PLK3: variants seen among roughly 807,000 people sequenced by gnomAD.
PLK3 encodes the protein polo like kinase 3, also known as serine/threonine-protein kinase PLK3.
In PLK3, 41 loss-of-function variants were observed where a neutral mutation model predicts 71.6. That is an observed-to-expected ratio of 0.57 (90% CI 0.45 to 0.74). The LOEUF is 0.74. Among genes scored for constraint, PLK3 ranks in the 30% least tolerant of loss-of-function variants. The pLI is 0.00. For synonymous variants in PLK3, 366 were observed against 355.4 expected (o/e 1.03, Z -0.33); for missense variants, 791 against 875.6 (o/e 0.90, Z 1.22).
rs1651811946 is a variant in PLK3 at position 44,801,060 on chromosome 1, C to T, written c.343C>T (p.Arg115Ter). The change falls in exon 3 of 15, where the codon CGA becomes TGA. Residue 115 changes from arginine to a stop codon, truncating the protein, a stop_gained. Transcript: ENST00000372201. LOFTEE classifies it high-confidence loss of function. ...GATCCTAAATGAGATTGAGCTGCAC[C>T]GAGACCTGCAGCACCGCCACATCGT... ...EKILNEIELH[R>*]DLQHRHIVRF... is the part of the protein sequence containing the mutation. 1 of 1,613,584 alleles carries T rather than the reference C, an allele frequency of 6.2e-7. No individual in the cohort carries two copies. The highest frequency in any genetic ancestry group is 8.5e-7 in the Non-Finnish European group (1 of 1,179,708).
At chr1:44,801,312 C>G (rs1351893987) in intron 3 of PLK3, among the ~76,000 whole-genome samples, 160 bp downstream of exon 3, 1 of 146,472 alleles carries the variant, frequency 6.8e-6, no homozygotes, top group Non-Finnish European at 1.5e-5. Flanking sequence ...CGGGTTCAAG[C>G]AATTCTCCTG....
chr1:44,803,739 G>A lies in PLK3; in HGVS notation c.1164+48G>A. On this transcript the variant is annotated intron_variant, in intron 9 of 14. Coordinates refer to ENST00000372201, the MANE Select transcript of PLK3 (RefSeq NM_004073.4). The surrounding 1 kb of genome is among the most constrained non-coding windows in gnomAD (Gnocchi z 4.3). ...GTTCCCCTGACTCACCCCCACCCTA[G>A]CAGCTGAGGGAAGCCGGGGATAAAA... 7.0e-7 allele frequency: 1 copy of A among 1,419,600 alleles called. No homozygotes were observed. Among genetic ancestry groups the A allele is most frequent in the Non-Finnish European group, 9.9e-7 (1 of 1,015,132 alleles). The allele number at this position is 1,419,600 out of a possible 1,614,324, so 87.9% of individuals were successfully genotyped here. A position where few individuals can be genotyped will look rare whatever the true frequency, so the allele number is the denominator to read the frequency against.
Position 44,800,447 on chromosome 1 carries a change from T to C in PLK3, c.-17T>C. On this transcript the variant is annotated 5_prime_UTR_variant, in exon 1 of 15. Transcript: ENST00000372201. This position sits in a 1 kb window ranked among gnomAD's most constrained non-coding sequence, Gnocchi z 6.5. ...CGGAACCGAGAAGCCGGGACCGCGC[T>C]GCGACGCGCCGGCCGCATGGAGCCT... The C allele has an allele frequency of 1.5e-6, 2 of 1,342,966 alleles. No individual in the cohort carries two copies. The highest frequency in any genetic ancestry group is 1.9e-6 in the Non-Finnish European group (2 of 1,054,016). The allele number at this position is 1,342,966 out of a possible 1,614,324, so 83.2% of individuals were successfully genotyped here. A position where few individuals can be genotyped will look rare whatever the true frequency, so the allele number is the denominator to read the frequency against.
At chr1:44,801,569 A>C in intron 3 of PLK3, 53 bp from the exon 4 acceptor site, 1 of 1,296,782 alleles carries the variant, frequency 7.7e-7, no homozygotes, top group African/African-American at 1.6e-5. Flanking sequence ...GCACAGATGG[A>C]GGGGGAGGGG....
At position 44,803,656 on chromosome 1, in the gene PLK3, C is replaced by T. The variant is rs202193367; in HGVS notation, c.1129C>T (p.Arg377Cys). 1.2e-5 allele frequency: 20 copies of T among 1,613,660 alleles called. No individual in the cohort carries two copies. The highest frequency in any genetic ancestry group is 3.3e-5 in the South Asian group (3 of 91,014). Residue 377 changes from arginine to cysteine, a missense_variant, in exon 9 of 15, where the codon CGC becomes TGC. Physicochemically the swap from Arg to Cys is radical, Grantham distance 180. Transcript: ENST00000372201. This position sits in a 1 kb window ranked among gnomAD's most constrained non-coding sequence, Gnocchi z 4.3. ...EVSGLVSGLM[R>C]TSVGHQDARP... Reference sequence around the variant, plus strand: ...CTCCGGTTTGGTGAGCGGCCTCATGCGCACATCCGTTGGCCATCAGGATGC... The same window carrying T: ...CTCCGGTTTGGTGAGCGGCCTCATGTGCACATCCGTTGGCCATCAGGATGC...
chr1:44,800,605 G>C lies in PLK3; in HGVS notation c.142G>C (p.Asp48His). 3 of 1,539,510 alleles carry C rather than the reference G, an allele frequency of 1.9e-6. No individual in the cohort carries two copies. The change falls in exon 1 of 15, where the codon GAC becomes CAC. Residue 48 changes from aspartate (D) to histidine (H), a missense_variant. Asp to His is a moderately conservative substitution (Grantham distance 81, BLOSUM62 -1). Transcript: ENST00000372201. This position sits in a 1 kb window ranked among gnomAD's most constrained non-coding sequence, Gnocchi z 6.5. ...GATGCTGGCCGGGCTACCGACGTCA[G>C]ACCCCGGGCGCCTCATCACGGACCC... ...LEMLAGLPTS[D>H]PGRLITDPRS...
chr1:44,801,203 C>CTTTTTTT (rs34463102), intron 3 of PLK3, 51 bp downstream of exon 3: 54 of 345,218 alleles, frequency 1.6e-4, no homozygotes, highest in Admixed American at 2.6e-4. Context: ...AGAAGACAGT[C>CTTTTTTT]TTTTTTTTTT....
Position 44,800,649 on chromosome 1 carries a change from C to T in PLK3, c.186C>T (p.Tyr62=). Residue 62 remains tyrosine, a synonymous_variant, in exon 1 of 15, where the codon TAC becomes TAT. Transcript: ENST00000372201. This position sits in a 1 kb window ranked among gnomAD's most constrained non-coding sequence, Gnocchi z 6.5. Reference sequence around the variant, plus strand: ...CGGACCCGCGCAGCGGCCGCACCTACCTCAAAGGCCGCTTGTTGGGCAAGG... The same window carrying T: ...CGGACCCGCGCAGCGGCCGCACCTATCTCAAAGGCCGCTTGTTGGGCAAGG... ...LITDPRSGRT[Y]LKGRLLGKGG... is the part of the protein sequence containing the mutation. 1.9e-6 allele frequency: 3 copies of T among 1,548,716 alleles called. No homozygotes were observed. The highest frequency in any genetic ancestry group is 2.6e-6 in the Non-Finnish European group (3 of 1,151,084).
In PLK3 at chr1:44,805,655, C is replaced by A; in HGVS notation, c.1918C>A (p.Leu640Ile). 1.2e-6 allele frequency: 2 copies of A among 1,613,170 alleles called. No homozygotes were observed. Among genetic ancestry groups the A allele is most frequent in the Non-Finnish European group, 8.5e-7 (1 of 1,179,980 alleles). Residue 640 changes from leucine (L) to isoleucine (I), a missense_variant, in exon 15 of 15, where the codon CTC (leucine) becomes ATC (isoleucine). Leu to Ile is a conservative substitution (Grantham distance 5, BLOSUM62 2). Coordinates refer to ENST00000372201, the MANE Select transcript of PLK3 (RefSeq NM_004073.4). ...RQRLRYALRL[L>I]RDRSPA ...GCGACTCCGCTATGCTCTGCGCCTG[C>A]TCCGGGACCGCAGCCCAGCCTAGGA...
rs749257106 is a variant in PLK3 at position 44,801,807 on chromosome 1, AAGG to A, written c.566-36_566-34del. On this transcript the variant is annotated intron_variant, in intron 4 of 14. Coordinates refer to ENST00000372201, the MANE Select transcript of PLK3 (RefSeq NM_004073.4). Reference sequence around the variant, plus strand: ...TTGGGGAGGGAGGGAGGGAGGGAGGAAGGAAAGAATCTGACACACCTCTCTTGC... The same window carrying A: ...TTGGGGAGGGAGGGAGGGAGGGAGGAAAAGAATCTGACACACCTCTCTTGC... 17 of 1,604,962 alleles carry A rather than the reference AAGG, an allele frequency of 1.1e-5. No homozygotes were observed. The African/African-American group carries it at 2.1e-4, about 20-fold the overall frequency.
Position 44,804,212 on chromosome 1 carries a change from T to C in PLK3, c.1308T>C (p.Cys436=). ...CCACAGTAGTGGAGTCAGCCCTTTG[T>C]GCTCTGAGAAATTGTATAGCCTTCA... ...TVATVVESAL[C]ALRNCIAFMP... The change falls in exon 11 of 15, where the codon TGT becomes TGC. Residue 436 remains cysteine (C), a synonymous_variant. Transcript: ENST00000372201. 6.2e-7 allele frequency: 1 copy of C among 1,614,038 alleles called. No homozygotes were observed.
Position 44,802,782 on chromosome 1 carries a change from T to C in PLK3, c.676T>C (p.Tyr226His). ...RKKTICGTPN[Y>H]VAPEVLLRQG... Reference sequence around the variant, plus strand: ...CAGGACCATCTGTGGCACCCCCAACTATGTGGCTCCAGAAGTGCTGCTGAG... The same window carrying C: ...CAGGACCATCTGTGGCACCCCCAACCATGTGGCTCCAGAAGTGCTGCTGAG... The change falls in exon 6 of 15, where the codon TAT (tyrosine) becomes CAT (histidine). Residue 226 changes from tyrosine to histidine, a missense_variant. Coordinates refer to ENST00000372201, the MANE Select transcript of PLK3 (RefSeq NM_004073.4). 1.9e-6 allele frequency: 3 copies of C among 1,613,474 alleles called. No homozygotes were observed. The highest frequency in any genetic ancestry group is 2.5e-6 in the Non-Finnish European group (3 of 1,179,788).
chr1:44,803,108 C>T lies in PLK3; in HGVS notation c.903C>T (p.Asp301=), dbSNP rs1016344964. ...LAAILRASPR[D]RPSIDQILRH... Reference sequence around the variant, plus strand: ...CCATCCTTCGGGCCTCACCCCGAGACCGCCCCTCTATTGACCAGATCCTGC... The same window carrying T: ...CCATCCTTCGGGCCTCACCCCGAGATCGCCCCTCTATTGACCAGATCCTGC... The change falls in exon 7 of 15, where the codon GAC becomes GAT. Residue 301 remains aspartate (D), a synonymous_variant. Coordinates refer to ENST00000372201, the MANE Select transcript of PLK3 (RefSeq NM_004073.4). This position sits in a 1 kb window ranked among gnomAD's most constrained non-coding sequence, Gnocchi z 4.3. The T allele has an allele frequency of 6.2e-7, 1 of 1,613,956 alleles. No homozygotes were observed.
chr1:44,805,426 T>C, intron 14 of PLK3, 47 bp downstream of exon 14: 7 of 1,605,994 alleles, frequency 4.4e-6, no homozygotes, highest in Non-Finnish European at 6.0e-6. Flanking sequence ...AGGCCCAGGG[T>C]GCTGGGGAGG....
rs367908756 is a variant in PLK3 at position 44,803,436 on chromosome 1, C to T, written c.1072+45C>T. On this transcript the variant is annotated intron_variant, in intron 8 of 14. Coordinates refer to ENST00000372201, the MANE Select transcript of PLK3 (RefSeq NM_004073.4). The surrounding 1 kb of genome is among the most constrained non-coding windows in gnomAD (Gnocchi z 4.3). ...GGGTTGAGGGGGCAGAGCAGTAGAG[C>T]GGCTTGTCACATTTGTCTTGGGTGT... is the stretch of plus-strand genomic sequence containing the variant. 57 of 1,610,970 alleles carry T rather than the reference C, an allele frequency of 3.5e-5. No individual in the cohort carries two copies. The highest frequency in any genetic ancestry group is 2.4e-4 in the African/African-American group (18 of 74,880).
Position 44,805,982 on chromosome 1 carries a change from TTTGC to T in PLK3, c.*305_*308del, listed in dbSNP as rs1652028618. The stretch of plus-strand genomic sequence containing the variant: ...GCCTCCTCCTAGGATAATAAACAAT[TTTGC>T]AGAATTGGACTCCCCCTCACTCGCA... On this transcript the variant is annotated 3_prime_UTR_variant, in exon 15 of 15. Coordinates refer to ENST00000372201, the MANE Select transcript of PLK3 (RefSeq NM_004073.4). The T allele has an allele frequency of 6.6e-7, 1 of 1,521,786 alleles. No individual in the cohort carries two copies. Among genetic ancestry groups the T allele is most frequent in the Admixed American group, 2.2e-5 (1 of 46,226 alleles). 94.3% of individuals were successfully genotyped at this position (1,521,786 alleles called of 1,614,324 possible). A position where few individuals can be genotyped will look rare whatever the true frequency, so the allele number is the denominator to read the frequency against.
chr1:44,804,290 T>C (rs778068192), intron 11 of PLK3, 44 bp downstream of exon 11: 31 of 1,613,464 alleles, frequency 1.9e-5, no homozygotes, highest in Non-Finnish European at 2.2e-5. Context: ...GGGAGTTCTG[T>C]GGCTGGGAGG....
At position 44,803,174 on chromosome 1, in the gene PLK3, C is replaced by CT. The variant is rs1557623038; in HGVS notation, c.948+22dup. On this transcript the variant is annotated intron_variant, in intron 7 of 14. Coordinates refer to ENST00000372201, the MANE Select transcript of PLK3 (RefSeq NM_004073.4). The surrounding 1 kb of genome is among the most constrained non-coding windows in gnomAD (Gnocchi z 4.3). ...CCAAGGTCTGTGGCTCCCCAGACCT[C>CT]TAAGTCCATCTGTGTATTCCCAGGG... 6.2e-7 allele frequency: 1 copy of CT among 1,613,494 alleles called. No individual in the cohort carries two copies. Among genetic ancestry groups the CT allele is most frequent in the Non-Finnish European group, 8.5e-7 (1 of 1,179,518 alleles).
Position 44,801,277 on chromosome 1 carries a change from T to G in PLK3, c.435+125T>G, listed in dbSNP as rs1573610737. The G allele has an allele frequency of 4.7e-6, 3 of 632,244 alleles. No individual in the cohort carries two copies. In the East Asian group the frequency reaches 8.5e-5, roughly 18 times the overall value. The allele number at this position is 632,244 out of a possible 1,614,324, so 39.2% of individuals were successfully genotyped here. A position where few individuals can be genotyped will look rare whatever the true frequency, so the allele number is the denominator to read the frequency against. On this transcript the variant is annotated intron_variant, in intron 3 of 14. Coordinates refer to ENST00000372201, the MANE Select transcript of PLK3 (RefSeq NM_004073.4). ...CAGGCTGGAGTGCAGTGGCGCGATC[T>G]CGGCTCACTGCAATCTCTGCCTCCC... is the stretch of plus-strand genomic sequence containing the variant.
Sources: allele counts gnomAD v4.1 joint callset (sites outside exome capture counted in the v4.1 genomes callset), GRCh38; gene constraint gnomAD v4.1.1; non-coding constraint Gnocchi (gnomAD v3.1); transcripts MANE v1.5; gene names NCBI Gene and HGNC (gene_info 2026-07-23, HGNC 2026-07-21).